Variants in PCDHGA1 observed in about 807,000 individuals in gnomAD.
PCDHGA1 encodes protocadherin gamma-A1.
PCDHGA1 carries 32 observed loss-of-function variants against 58.0 expected under a neutral mutation model. The observed-to-expected ratio is 0.55, with a 90% CI of 0.42 to 0.74. PCDHGA1 has a LOEUF of 0.74. PCDHGA1 is among the 30% of genes least tolerant of loss of function. PCDHGA1 has a pLI of 0.00. For missense variants in PCDHGA1, 1,205 were observed against 1,182.3 expected (o/e 1.02, Z -0.28); for synonymous variants, 498 against 501.1 (o/e 0.99, Z 0.08).
intron 1 of PCDHGA1, among the ~76,000 whole-genome samples, chr5:141,434,491 C>CCCAGGGCAGAAAACTGCTTAA (rs1300377022): frequency 1.8e-4 from 27 of 152,302 alleles, no homozygotes; most frequent in Non-Finnish European, 3.4e-4. Context: ...ACCTGGCCCG[C>CCCAGGGCAGAAAACTGCTTAA]CCAGGGCAGA....
Position 141,399,843 on chromosome 5 carries a change from T to C in PCDHGA1, c.2421+66738T>C, listed in dbSNP as rs1452069886. ...GTCCCGACGGCTCTGCGCTCTTCGATATGGTGCCGCGCGCTGCAGAGCCCG... is the reference window on the plus strand; with the variant it reads ...GTCCCGACGGCTCTGCGCTCTTCGACATGGTGCCGCGCGCTGCAGAGCCCG... On this transcript the variant is annotated intron_variant, in intron 1 of 3. Coordinates refer to ENST00000517417, the MANE Select transcript of PCDHGA1 (RefSeq NM_018912.3). 2.5e-6 allele frequency: 4 copies of C among 1,612,848 alleles called. No homozygotes were observed. The African/African-American group carries it at 5.3e-5, about 22-fold the overall frequency.
At chr5:141,423,783 A>G in intron 1 of PCDHGA1, 1 of 1,264,712 alleles carries the variant, frequency 7.9e-7, no homozygotes, top group South Asian at 1.9e-5. Context: ...TATTTAGTTC[A>G]TATATATTTA....
At chr5:141,410,394 T>C in intron 1 of PCDHGA1, 1 of 1,614,054 alleles carries the variant, frequency 6.2e-7, no homozygotes, top group Non-Finnish European at 8.5e-7. Context: ...CATCCTGGTC[T>C]CTGTGTCAAG....
intron 1 of PCDHGA1, chr5:141,413,689 C>A: frequency 1.2e-6 from 2 of 1,613,800 alleles, no homozygotes; most frequent in Non-Finnish European, 1.7e-6. Flanking sequence ...GAACTCCCTG[C>A]AGAGCTATCA....
intron 1 of PCDHGA1, among the ~76,000 whole-genome samples, chr5:141,472,980 C>CAAAAAAAAAAAAAAAAAGAAAAAAA (rs2099309731): frequency 1.2e-5 from 1 of 86,102 alleles, no homozygotes; most frequent in African/African-American, 3.9e-5. Flanking sequence ...GAGTGAAACT[C>CAAAAAAAAAAAAAAAAAGAAAAAAA]AAAAAAAAAA....
chr5:141,398,932 C>T (rs554339110), intron 1 of PCDHGA1: 1 of 1,613,900 alleles, frequency 6.2e-7, no homozygotes, highest in Non-Finnish European at 8.5e-7. Context: ...AGCCACTGAC[C>T]AAGACGAGGG....
At chr5:141,359,927 C>T in intron 1 of PCDHGA1, 2 of 456,184 alleles carry the variant, frequency 4.4e-6, no homozygotes, top group Non-Finnish European at 7.5e-6. Context: ...CTGAGAAAAC[C>T]TCTGAGCGTC....
At chr5:141,415,352 C>T in intron 1 of PCDHGA1, 1 of 1,614,228 alleles carries the variant, frequency 6.2e-7, no homozygotes, top group Non-Finnish European at 8.5e-7. Context: ...TGGCACAAGT[C>T]ACGCCTGCTG....
chr5:141,476,446 G>A lies in PCDHGA1; in HGVS notation c.2422-18361G>A. On this transcript the variant is annotated intron_variant, in intron 1 of 3. Transcript: ENST00000517417. This position sits in a 1 kb window ranked among gnomAD's most constrained non-coding sequence, Gnocchi z 7.6. Reference sequence around the variant, plus strand: ...CCTCTTGCACTGTAACTCTGGAGTTGGTAGTGGAGAACCCGCTGGAGCTGT... The same window carrying A: ...CCTCTTGCACTGTAACTCTGGAGTTAGTAGTGGAGAACCCGCTGGAGCTGT... 6.2e-7 allele frequency: 1 copy of A among 1,614,144 alleles called. No homozygotes were observed. Among genetic ancestry groups the A allele is most frequent in the South Asian group, 1.1e-5 (1 of 91,072 alleles).
chr5:141,368,390 C>T (rs1290377488), intron 1 of PCDHGA1, among the ~76,000 whole-genome samples: 1 of 152,100 alleles, frequency 6.6e-6, no homozygotes, highest in Non-Finnish European at 1.5e-5. Flanking sequence ...CATACACACA[C>T]ACAAACACAC....
In PCDHGA1 at chr5:141,383,270, T is replaced by C. The variant is rs373497176; in HGVS notation, c.2421+50165T>C. 25 of 1,613,746 alleles carry C rather than the reference T, an allele frequency of 1.5e-5. No homozygotes were observed. Among genetic ancestry groups the C allele is most frequent in the East Asian group, 1.1e-4 (5 of 44,896 alleles). On this transcript the variant is annotated intron_variant, in intron 1 of 3. Transcript: ENST00000517417. ...CTTTACCCTATAGACGTGGAAATAA[T>C]AGATATTAATGACAACGTTCCAAGA...
chr5:141,365,576 T>G, intron 1 of PCDHGA1: 1 of 1,613,666 alleles, frequency 6.2e-7, no homozygotes, highest in Non-Finnish European at 8.5e-7. Flanking sequence ...AGAAGAGACT[T>G]CAGATTATAA....
chr5:141,433,359 C>CTATCTATCTATA, intron 1 of PCDHGA1: 1 of 228,708 alleles, frequency 4.4e-6, no homozygotes, highest in South Asian at 4.1e-5. Context: ...TACTGTCTGC[C>CTATCTATCTATA]TATCTATCTA....
chr5:141,362,666 G>C, intron 1 of PCDHGA1: 1 of 1,321,002 alleles, frequency 7.6e-7, no homozygotes, highest in South Asian at 1.5e-5. Context: ...GGCCAATGTT[G>C]TGCCTTAATT....
chr5:141,340,774 C>G lies in PCDHGA1; in HGVS notation c.2421+7669C>G, dbSNP rs750438014. 28 of 1,613,810 alleles carry G rather than the reference C, an allele frequency of 1.7e-5. 1 individual carries two copies. Among genetic ancestry groups the G allele is most frequent in the Middle Eastern group, 3.4e-4 (2 of 5,956 alleles). Reference sequence around the variant, plus strand: ...CGGTGGACAGAGACTCGGGCCAGAACGCCTGGCTGTCTTACCACCTGCTCA... The same window carrying G: ...CGGTGGACAGAGACTCGGGCCAGAAGGCCTGGCTGTCTTACCACCTGCTCA... On this transcript the variant is annotated intron_variant, in intron 1 of 3. Coordinates refer to ENST00000517417, the MANE Select transcript of PCDHGA1 (RefSeq NM_018912.3).
At position 141,332,166 on chromosome 5, in the gene PCDHGA1, C is replaced by T. The variant is rs781703640; in HGVS notation, c.1482C>T (p.Asp494=). The T allele has an allele frequency of 2.4e-5, 39 of 1,614,080 alleles. No individual in the cohort carries two copies. The highest frequency in any genetic ancestry group is 3.1e-5 in the Non-Finnish European group (37 of 1,180,052). ...NAQITYSLIE[D]TIQGAPLSAY... is the part of the protein sequence containing the mutation. ...AAATCACTTACTCCCTAATAGAGGA[C>T]ACTATCCAGGGGGCACCCCTATCTG... Residue 494 remains aspartate, a synonymous_variant, in exon 1 of 4, where the codon GAC becomes GAT. Transcript: ENST00000517417. The surrounding 1 kb of genome is among the most constrained non-coding windows in gnomAD (Gnocchi z 4.6).
At chr5:141,351,416 G>C in intron 1 of PCDHGA1, 1 of 1,611,528 alleles carries the variant, frequency 6.2e-7, no homozygotes, top group South Asian at 1.1e-5. Context: ...TCAGGAAGAA[G>C]TTCCTTTCAA....
intron 1 of PCDHGA1, chr5:141,389,274 C>T (rs183257097): frequency 1.2e-6 from 2 of 1,614,032 alleles, no homozygotes; most frequent in Non-Finnish European, 8.5e-7. Flanking sequence ...CGAGAACAAC[C>T]CGCCTGGAGC....
At position 141,432,232 on chromosome 5, in the gene PCDHGA1, G is replaced by A. The variant is rs766929605; in HGVS notation, c.2422-62575G>A. Reference sequence around the variant, plus strand: ...AGAACGCCCAGATCACTTATTCCCTGGCTGAGAACACCATCCAAGGGGCAA... The same window carrying A: ...AGAACGCCCAGATCACTTATTCCCTAGCTGAGAACACCATCCAAGGGGCAA... On this transcript the variant is annotated intron_variant, in intron 1 of 3. Coordinates refer to ENST00000517417, the MANE Select transcript of PCDHGA1 (RefSeq NM_018912.3). The surrounding 1 kb of genome is among the most constrained non-coding windows in gnomAD (Gnocchi z 6.0). The A allele has an allele frequency of 6.2e-7, 1 of 1,614,188 alleles. No homozygotes were observed. The highest frequency in any genetic ancestry group is 1.6e-4 in the Middle Eastern group (1 of 6,062).
Sources: gnomAD v4.1 joint callset for allele counts (sites outside exome capture counted in the v4.1 genomes callset) on GRCh38, gnomAD v4.1.1 for gene constraint, Gnocchi (gnomAD v3.1) non-coding constraint, MANE v1.5 for transcripts, NCBI Gene and HGNC (gene_info 2026-07-23, HGNC 2026-07-21) for gene names.